The following PPIP5K1 variants were observed in gnomAD, a reference collection of about 807,000 sequenced individuals.
PPIP5K1 encodes the protein inositol hexakisphosphate and diphosphoinositol-pentakisphosphate kinase 1.
PPIP5K1 carries 6 observed loss-of-function variants against 27.7 expected under a neutral mutation model. The observed-to-expected ratio is 0.22, with a 90% CI of 0.12 to 0.43. The LOEUF (loss-of-function observed/expected upper bound fraction) is 0.43. PPIP5K1 is among the 20% of genes least tolerant of loss of function. The pLI, the probability that PPIP5K1 is intolerant of heterozygous loss-of-function variation, is 1.00. For synonymous variants in PPIP5K1, 145 were observed against 242.6 expected (o/e 0.60, Z 3.74); for missense variants, 394 against 635.4 (o/e 0.62, Z 4.08).
chr15:43,534,754 G>A lies in PPIP5K1; in HGVS notation c.4393C>T (p.Pro1465Ser). Residue 1465 changes from proline (P) to serine (S), a missense_variant, in exon 32 of 32, where the codon CCT becomes TCT. By Grantham distance (74) the Pro-to-Ser change is moderately conservative. This residue lies in a region of PPIP5K1 where 379 missense variants were observed against 423.9 expected (regional missense o/e 0.89). Transcript: ENST00000420765. ...SAINLLSQGIPEIDKPSQEFP... is the reference protein window; with the variant it reads ...SAINLLSQGISEIDKPSQEFP... ...TCTTGGGATGGTTTATCAATCTCAGGGATGCCCTGAGATAACAGATTGATC... is the reference window on the plus strand; with the variant it reads ...TCTTGGGATGGTTTATCAATCTCAGAGATGCCCTGAGATAACAGATTGATC... 1 of 1,559,640 alleles carries A rather than the reference G, an allele frequency of 6.4e-7. No homozygotes were observed. The highest frequency in any genetic ancestry group is 8.7e-7 in the Non-Finnish European group (1 of 1,155,150).
rs150575057 is a variant in PPIP5K1 at position 43,535,366 on chromosome 15, C to T, written c.3781G>A (p.Val1261Met). ...CCAAGGCCTTGATGTTCTTCAGCCA[C>T]GTGTGAATTTAGGGAGGGTTGATCA... is the stretch of plus-strand genomic sequence containing the variant. ...FSDQPSLNSH[V>M]AEEHQGLGLL... Residue 1261 changes from valine (V) to methionine (M), a missense_variant, in exon 32 of 32, where the codon GTG becomes ATG. This residue lies in a region of PPIP5K1 where 379 missense variants were observed against 423.9 expected (regional missense o/e 0.89). Transcript: ENST00000420765. The T allele has an allele frequency of 1.6e-4, 260 of 1,614,106 alleles. 1 individual carries two copies. In the South Asian group the frequency reaches 1.6e-3, roughly 10 times the overall value.
intron 30 of PPIP5K1, among the ~76,000 whole-genome samples, chr15:43,558,026 T>G (rs1442201837): frequency 6.6e-6 from 1 of 151,072 alleles, no homozygotes; most frequent in Admixed American, 6.6e-5. Flanking sequence ...AATTCAGGAG[T>G]GATATTTCTA....
chr15:43,539,543 G>A lies in PPIP5K1; in HGVS notation c.3597C>T (p.Asn1199=). 2 of 1,609,916 alleles carry A rather than the reference G, an allele frequency of 1.2e-6. No homozygotes were observed. Among genetic ancestry groups the A allele is most frequent in the East Asian group, 2.2e-5 (1 of 44,862 alleles). The change falls in exon 31 of 32, where the codon AAC becomes AAT. Residue 1199 remains asparagine, a synonymous_variant. Transcript: ENST00000420765. The part of the protein sequence containing the change: ...DSMHSSQASD[N]PFSPPRTLHS... ...GAAGAGTACGTGGTGGAGAAAATGG[G>A]TTATCTGAGGCCTGGCTGCTGTGCA...
chr15:43,551,188 G>T (rs890385877), intron 30 of PPIP5K1, among the ~76,000 whole-genome samples: 38 of 152,044 alleles, frequency 2.5e-4, no homozygotes, highest in African/African-American at 8.9e-4. Context: ...GAAGCCATCT[G>T]GTTTTAGACT....
chr15:43,539,458 A>G lies in PPIP5K1; in HGVS notation c.3670+12T>C. 2 of 1,534,824 alleles carry G rather than the reference A, an allele frequency of 1.3e-6. No individual in the cohort carries two copies. Among genetic ancestry groups the G allele is most frequent in the Non-Finnish European group, 1.8e-6 (2 of 1,116,986 alleles). On this transcript the variant is annotated intron_variant, in intron 31 of 31. Transcript: ENST00000420765. Reference sequence around the variant, plus strand: ...TGACTTTTGTCTAGGCAGTTCCAAAAGGATTACTTACACCAAGGGGGCTTC... The same window carrying G: ...TGACTTTTGTCTAGGCAGTTCCAAAGGGATTACTTACACCAAGGGGGCTTC...
rs1039268071 is a variant in PPIP5K1 at position 43,551,883 on chromosome 15, G to A, written c.3556+6912C>T. Among the ~76,000 whole-genome samples, 31 of 151,984 alleles carry A rather than the reference G, an allele frequency of 2.0e-4. 1 individual carries two copies. The highest frequency in any genetic ancestry group is 1.3e-4 in the Admixed American group (2 of 15,256). ...CTCCCAAAGTGCTGGGATTACAGGCGTGAGCCACCACGCCCGGCTCCTTTT... is the reference window on the plus strand; with the variant it reads ...CTCCCAAAGTGCTGGGATTACAGGCATGAGCCACCACGCCCGGCTCCTTTT... On this transcript the variant is annotated intron_variant, in intron 30 of 31. Transcript: ENST00000420765.
intron 29 of PPIP5K1, among the ~76,000 whole-genome samples, chr15:43,559,305 A>C (rs986907834): frequency 6.6e-6 from 1 of 152,234 alleles, no homozygotes; most frequent in African/African-American, 2.4e-5. Context: ...GAAACTGCAG[A>C]TCTAACATGA....
rs748106910 is a variant in PPIP5K1 at position 43,539,527 on chromosome 15, G to A, written c.3613C>T (p.Arg1205Cys). The change falls in exon 31 of 32, where the codon CGT becomes TGT. Residue 1205 changes from arginine (R) to cysteine (C), a missense_variant. Arg to Cys is a radical substitution (Grantham distance 180). Coordinates refer to ENST00000420765, the MANE Select transcript of PPIP5K1 (RefSeq NM_001394395.1). ...QASDNPFSPP[R>C]TLHSPPLQLQ... Reference sequence around the variant, plus strand: ...TGCAGGGGAGGTGAATGAAGAGTACGTGGTGGAGAAAATGGGTTATCTGAG... The same window carrying A: ...TGCAGGGGAGGTGAATGAAGAGTACATGGTGGAGAAAATGGGTTATCTGAG... 4.2e-5 allele frequency: 67 copies of A among 1,610,494 alleles called. No individual in the cohort carries two copies. The highest frequency in any genetic ancestry group is 5.1e-5 in the Non-Finnish European group (60 of 1,178,306).
intron 30 of PPIP5K1, among the ~76,000 whole-genome samples, chr15:43,556,095 G>A (rs1595845233): frequency 6.6e-6 from 1 of 152,030 alleles, no homozygotes; most frequent in African/African-American, 2.4e-5. Flanking sequence ...CAAGTCAGGC[G>A]GATCACGAGG....
chr15:43,554,002 C>T (rs1470921800), intron 30 of PPIP5K1, among the ~76,000 whole-genome samples: 12 of 152,086 alleles, frequency 7.9e-5, no homozygotes, highest in Non-Finnish European at 1.6e-4. Flanking sequence ...TGAGTATTGG[C>T]TGGGCACAGT....
chr15:43,552,547 A>AG (rs2082351690), intron 30 of PPIP5K1, among the ~76,000 whole-genome samples: 1 of 138,932 alleles, frequency 7.2e-6, no homozygotes, highest in African/African-American at 2.7e-5. Flanking sequence ...AAAAAAAAAG[A>AG]AAAAAAAAAG....
At position 43,550,314 on chromosome 15, in the gene PPIP5K1, A is replaced by AT. The variant is rs200248285; in HGVS notation, c.3556+8480dup. On this transcript the variant is annotated intron_variant, in intron 30 of 31. Coordinates refer to ENST00000420765, the MANE Select transcript of PPIP5K1 (RefSeq NM_001394395.1). ...ACATGCCTGGCTAATTTATTTATTT[A>AT]TTTATTTTTTTTGTAGAGAGAGTGT... Among the ~76,000 whole-genome samples, 865 of 151,342 alleles carry AT rather than the reference A, an allele frequency of 5.7e-3. 11 individuals are homozygous for AT. Among genetic ancestry groups the AT allele is most frequent in the African/African-American group, 0.02 (822 of 41,138 alleles).
chr15:43,557,635 G>GT (rs1199354101), intron 30 of PPIP5K1, among the ~76,000 whole-genome samples: 1 of 151,812 alleles, frequency 6.6e-6, no homozygotes, highest in Non-Finnish European at 1.5e-5. Context: ...TCTTTTCAGG[G>GT]TTTTTTCTCT....
intron 30 of PPIP5K1, among the ~76,000 whole-genome samples, chr15:43,542,303 G>T (rs986372530): frequency 5.1e-5 from 1 of 19,600 alleles, no homozygotes; most frequent in Admixed American, 8.8e-4. Context: ...AATTTTGGCG[G>T]GGGGGGGGGG....
chr15:43,578,822 C>A (rs2084607375), intron 11 of PPIP5K1, among the ~76,000 whole-genome samples, 197 bp downstream of exon 11: 1 of 15,436 alleles, frequency 6.5e-5, no homozygotes, highest in Non-Finnish European at 1.4e-4. Flanking sequence ...GGCAACAGAG[C>A]TAGACTCTGT....
rs146486247 is a variant in PPIP5K1 at position 43,536,351 on chromosome 15, G to A, written c.3671-875C>T. On this transcript the variant is annotated intron_variant, in intron 31 of 31. Transcript: ENST00000420765. ...GGTGAATCACTTGAACCCCAGAGGT[G>A]GAGGTTGCAGTGAGCCGAAATTGTG... 140 of 229,922 alleles carry A rather than the reference G, an allele frequency of 6.1e-4. 3 individuals are homozygous for A. The highest frequency in any genetic ancestry group is 3.3e-3 in the African/African-American group (137 of 41,990). 14.2% of individuals were successfully genotyped at this position (229,922 alleles called of 1,614,324 possible).
intron 30 of PPIP5K1, among the ~76,000 whole-genome samples, chr15:43,542,688 G>A (rs1451271250): frequency 6.6e-6 from 1 of 150,988 alleles, no homozygotes; most frequent in Non-Finnish European, 1.5e-5. Flanking sequence ...GTGTGTGTGT[G>A]TGTGTGTGTT....
rs768283050 is a variant in PPIP5K1, at chr15:43,535,475, G to A, written c.3672C>T (p.Tyr1224=). Residue 1224 remains tyrosine (Y), a splice_region_variant and synonymous_variant, in exon 32 of 32, where the codon TAC becomes TAT. Transcript: ENST00000420765. ...LQQRSEKPPW[Y]SSGPSSTVSS... ...ACACAGTGCTAGAAGGGCCACTGCT[G>A]TCTGTAAAGCAAAGTCAAGAGATCA... 1 of 1,559,994 alleles carries A rather than the reference G, an allele frequency of 6.4e-7. No homozygotes were observed. Among genetic ancestry groups the A allele is most frequent in the Admixed American group, 2.0e-5 (1 of 50,672 alleles).
chr15:43,557,759 G>A (rs2083182223), intron 30 of PPIP5K1, among the ~76,000 whole-genome samples: 1 of 151,008 alleles, frequency 6.6e-6, no homozygotes, highest in Non-Finnish European at 1.5e-5. Context: ...TGAACTCCTG[G>A]GTTCAAGTGA....
Sources: allele counts gnomAD v4.1 joint callset (sites outside exome capture counted in the v4.1 genomes callset), GRCh38; gene constraint gnomAD v4.1.1; regional missense constraint gnomAD v4.1.1; transcripts MANE v1.5; gene names NCBI Gene and HGNC (gene_info 2026-07-23, HGNC 2026-07-21).